Variants in CLSTN2 observed in about 807,000 individuals in gnomAD.
CLSTN2 encodes the protein calsyntenin-2.
In CLSTN2, 48 loss-of-function variants were observed where a neutral mutation model predicts 101.2. The ratio of observed to expected loss-of-function variants is 0.47; its 90% CI spans 0.38 to 0.60. The LOEUF (loss-of-function observed/expected upper bound fraction) is 0.60, where lower values mean the gene tolerates loss of function less well. CLSTN2 is among the 20% of genes least tolerant of loss of function. The pLI is 0.00. For missense variants in CLSTN2, 1,160 were observed against 1,238.2 expected (o/e 0.94, Z 0.95); for synonymous variants, 481 against 463.6 (o/e 1.04, Z -0.48).
chr3:139,961,201 T>C (rs1935502159), intron 1 of CLSTN2, among the ~76,000 whole-genome samples: 1 of 152,212 alleles, frequency 6.6e-6, no homozygotes, highest in Admixed American at 6.5e-5. Context: ...TCTCATTTTC[T>C]TCTTTATAAA....
At chr3:140,046,949 C>T (rs1304640599) in intron 1 of CLSTN2, among the ~76,000 whole-genome samples, 1 of 151,700 alleles carries the variant, frequency 6.6e-6, no homozygotes, top group Non-Finnish European at 1.5e-5. Context: ...TCCAACTGTC[C>T]CTCTAGGGGA....
chr3:140,024,546 G>A (rs533006322), intron 1 of CLSTN2, among the ~76,000 whole-genome samples: 1 of 152,326 alleles, frequency 6.6e-6, no homozygotes, highest in East Asian at 1.9e-4. Context: ...CCTGGCCTTG[G>A]TGTCAGCTAG....
At chr3:140,555,782 G>A (rs1422504766) in intron 10 of CLSTN2, among the ~76,000 whole-genome samples, 2 of 152,172 alleles carry the variant, frequency 1.3e-5, no homozygotes, top group East Asian at 1.9e-4. Context: ...ACTGCTGTGG[G>A]GACATGGAGA....
intron 1 of CLSTN2, among the ~76,000 whole-genome samples, chr3:139,991,185 T>C (rs1346567449): frequency 6.6e-6 from 1 of 152,224 alleles, no homozygotes; most frequent in Admixed American, 6.5e-5. Flanking sequence ...TTTGGGGCAA[T>C]ATATTGCATA....
intron 1 of CLSTN2, among the ~76,000 whole-genome samples, chr3:140,002,440 C>G (rs1039817231): frequency 2.6e-5 from 4 of 152,034 alleles, no homozygotes; most frequent in African/African-American, 9.7e-5. Context: ...GTTTGAGTTC[C>G]TTATATATTA....
At chr3:140,245,422 G>A (rs905486429) in intron 2 of CLSTN2, among the ~76,000 whole-genome samples, 5 of 152,158 alleles carry the variant, frequency 3.3e-5, no homozygotes, top group African/African-American at 9.7e-5. Flanking sequence ...ACTTGAAAGA[G>A]AGACAGATAA....
intron 1 of CLSTN2, among the ~76,000 whole-genome samples, chr3:140,059,971 T>A (rs2008171153): frequency 6.6e-6 from 1 of 152,218 alleles, no homozygotes; most frequent in Non-Finnish European, 1.5e-5. Flanking sequence ...CATAATACCC[T>A]AGCCCTTCCA....
At chr3:140,359,108 C>T (rs1490108965) in intron 2 of CLSTN2, among the ~76,000 whole-genome samples, 1 of 150,462 alleles carries the variant, frequency 6.6e-6, no homozygotes, top group African/African-American at 2.5e-5. Flanking sequence ...TTGCCAGAAG[C>T]AGGAGATGGC....
intron 1 of CLSTN2, among the ~76,000 whole-genome samples, chr3:140,020,363 T>A (rs149089549): frequency 7.9e-5 from 12 of 152,298 alleles, no homozygotes; most frequent in African/African-American, 2.6e-4. Flanking sequence ...TATGTGTGTG[T>A]GCATGTGTGT....
chr3:140,334,410 G>T (rs1481255695), intron 2 of CLSTN2, among the ~76,000 whole-genome samples: 1 of 152,184 alleles, frequency 6.6e-6, no homozygotes, highest in Non-Finnish European at 1.5e-5. Flanking sequence ...GGATTCATTC[G>T]TCACTGCCCA....
chr3:140,137,651 A>G (rs1167294652), intron 1 of CLSTN2, among the ~76,000 whole-genome samples: 2 of 152,212 alleles, frequency 1.3e-5, no homozygotes, highest in African/African-American at 4.8e-5. Context: ...ATCACAAAGA[A>G]ACGCAATAAT....
intron 1 of CLSTN2, among the ~76,000 whole-genome samples, chr3:140,169,238 A>C (rs572831089): frequency 3.3e-5 from 5 of 152,168 alleles, no homozygotes; most frequent in African/African-American, 9.6e-5. Flanking sequence ...GCTAAGTTTC[A>C]TGTTTTTGAT....
intron 1 of CLSTN2, among the ~76,000 whole-genome samples, chr3:140,073,737 T>G (rs1476540601): frequency 6.6e-6 from 1 of 152,232 alleles, no homozygotes; most frequent in Non-Finnish European, 1.5e-5. Flanking sequence ...TTACCTCAGA[T>G]GTTTTCACGC....
At chr3:140,259,550 A>C (rs1418915488) in intron 2 of CLSTN2, among the ~76,000 whole-genome samples, 1 of 152,146 alleles carries the variant, frequency 6.6e-6, no homozygotes, top group Non-Finnish European at 1.5e-5. Flanking sequence ...TTCCTGTACA[A>C]ATCCATAAAA....
intron 2 of CLSTN2, among the ~76,000 whole-genome samples, chr3:140,214,462 A>AAG (rs397795632): frequency 1.3e-5 from 2 of 151,062 alleles, no homozygotes; most frequent in Non-Finnish European, 3.0e-5. Flanking sequence ...TTAAAAAAAA[A>AAG]GAATAGGTCC....
At chr3:140,253,666 G>T (rs1416467450) in intron 2 of CLSTN2, among the ~76,000 whole-genome samples, 1 of 152,072 alleles carries the variant, frequency 6.6e-6, no homozygotes, top group African/African-American at 2.4e-5. Flanking sequence ...AACAGGCCTG[G>T]CTCCCTTCTC....
intron 2 of CLSTN2, among the ~76,000 whole-genome samples, chr3:140,209,161 T>C (rs1481961433): frequency 6.6e-6 from 1 of 152,210 alleles, no homozygotes; most frequent in African/African-American, 2.4e-5. Context: ...TCAAAATCTA[T>C]GATGTATGCA....
intron 2 of CLSTN2, among the ~76,000 whole-genome samples, chr3:140,251,115 C>A (rs2086560160): frequency 6.6e-6 from 1 of 152,064 alleles, no homozygotes. Flanking sequence ...AGGCCAGAAT[C>A]ACATCTTCTC....
At chr3:140,075,387 T>A (rs954022169) in intron 1 of CLSTN2, among the ~76,000 whole-genome samples, 5 of 152,226 alleles carry the variant, frequency 3.3e-5, no homozygotes, top group Non-Finnish European at 7.3e-5. Flanking sequence ...AATAGTTTCC[T>A]GTTTGTATTA....
Sources: gnomAD v4.1 joint callset for allele counts (sites outside exome capture counted in the v4.1 genomes callset) on GRCh38, gnomAD v4.1.1 for gene constraint, MANE v1.5 for transcripts, NCBI Gene and HGNC (gene_info 2026-07-23, HGNC 2026-07-21) for gene names.